RAP1GAP2: variants seen among roughly 807,000 people sequenced by gnomAD.
The protein encoded by RAP1GAP2 is RAP1 GTPase activating protein 2, also known as rap1 GTPase-activating protein 2.
A neutral mutation model predicts 95.0 loss-of-function variants in RAP1GAP2; 27 were observed. The ratio of observed to expected loss-of-function variants is 0.28; its 90% CI spans 0.21 to 0.39. The LOEUF (loss-of-function observed/expected upper bound fraction) is 0.39, where lower values mean the gene tolerates loss of function less well. Among genes scored for constraint, RAP1GAP2 ranks in the 10% least tolerant of loss-of-function variants. RAP1GAP2 has a pLI of 1.00. For missense variants in RAP1GAP2, 771 were observed against 970.0 expected (o/e 0.79, Z 2.72); for synonymous variants, 373 against 380.9 (o/e 0.98, Z 0.24).
chr17:2,974,272 C>T (rs1229116561), intron 8 of RAP1GAP2, among the ~76,000 whole-genome samples: 1 of 151,760 alleles, frequency 6.6e-6, no homozygotes, highest in Admixed American at 6.6e-5. Flanking sequence ...TGGCGTGAAC[C>T]CAGGAGGCGG....
chr17:2,890,761 T>TGCAA (rs1277893955), intron 2 of RAP1GAP2, among the ~76,000 whole-genome samples: 1 of 151,308 alleles, frequency 6.6e-6, no homozygotes, highest in Non-Finnish European at 1.5e-5. Flanking sequence ...CTTGGCTCAC[T>TGCAA]GCAAGCTCCG....
At chr17:2,771,096 A>C (rs1407099082) in intron 2 of RAP1GAP2, among the ~76,000 whole-genome samples, 1 of 151,974 alleles carries the variant, frequency 6.6e-6, no homozygotes, top group East Asian at 1.9e-4. Context: ...CAAACAAAAA[A>C]CCCAACAAAA....
intron 2 of RAP1GAP2, among the ~76,000 whole-genome samples, chr17:2,836,715 C>T (rs192900023): frequency 2.0e-4 from 31 of 152,260 alleles, no homozygotes; most frequent in East Asian, 9.6e-4. Context: ...ACAGCATCAT[C>T]GGACCATCTA....
In RAP1GAP2 at chr17:2,830,638, T is replaced by C. The variant is rs565475685; in HGVS notation, c.80+30088T>C. ...CTGAGGCAGGAGAATCGCTTGAACC[T>C]GGGAGGCGGAAGTTGCAGTGAGCCG... On this transcript the variant is annotated intron_variant, in intron 2 of 24. Transcript: ENST00000254695. Among the ~76,000 whole-genome samples, 992 of 151,272 alleles carry C rather than the reference T, an allele frequency of 6.6e-3. 17 individuals are homozygous for C. Among genetic ancestry groups the C allele is most frequent in the African/African-American group, 0.023 (930 of 41,148 alleles).
rs2044450721 is a variant in RAP1GAP2 at position 2,963,712 on chromosome 17, A to C, written c.280-144A>C. 1 of 830,028 alleles carries C rather than the reference A, an allele frequency of 1.2e-6. No individual in the cohort carries two copies. Among genetic ancestry groups the C allele is most frequent in the African/African-American group, 1.7e-5 (1 of 57,968 alleles). The allele number at this position is 830,028 out of a possible 1,614,324, so 51.4% of individuals were successfully genotyped here. On this transcript the variant is annotated intron_variant, in intron 6 of 24. Transcript: ENST00000254695. This position sits in a 1 kb window ranked among gnomAD's most constrained non-coding sequence, Gnocchi z 4.8. ...CTGGAGGTGTTGTGGGGCTTGGAGG[A>C]GGGGTTCATGTCACTGCCTTTGGCC... is the stretch of plus-strand genomic sequence containing the variant.
At chr17:2,818,873 C>G (rs2070156007) in intron 2 of RAP1GAP2, among the ~76,000 whole-genome samples, 1 of 151,540 alleles carries the variant, frequency 6.6e-6, no homozygotes, top group African/African-American at 2.4e-5. Context: ...AATAGCAAAG[C>G]CTGAAACCTA....
intron 2 of RAP1GAP2, chr17:2,853,980 C>T (rs1450429823): frequency 5.1e-6 from 5 of 983,962 alleles, no homozygotes; most frequent in Non-Finnish European, 4.8e-6. Context: ...GGTCGGGCAC[C>T]GCGGGCGGCC....
At chr17:2,774,208 C>T (rs1028251531), upstream of RAP1GAP2, among the ~76,000 whole-genome samples, 1 of 152,164 alleles carries the variant, frequency 6.6e-6, no homozygotes, top group Non-Finnish European at 1.5e-5. Context: ...TGTTAGGTGT[C>T]TACCAAAGAA....
In RAP1GAP2 at chr17:3,032,445, C is replaced by G. The variant is rs1267581217; in HGVS notation, c.*26C>G. ...TGTGAAAGTGGAGTCCTTCGCCTGTCCAAGGTGGGTTGAGTGAATGTCCTG... is the reference window on the plus strand; with the variant it reads ...TGTGAAAGTGGAGTCCTTCGCCTGTGCAAGGTGGGTTGAGTGAATGTCCTG... On this transcript the variant is annotated 3_prime_UTR_variant, in exon 24 of 25. Coordinates refer to ENST00000254695, the MANE Select transcript of RAP1GAP2 (RefSeq NM_015085.5). 1 of 1,613,486 alleles carries G rather than the reference C, an allele frequency of 6.2e-7. No individual in the cohort carries two copies. Among genetic ancestry groups the G allele is most frequent in the African/African-American group, 1.3e-5 (1 of 74,890 alleles).
intron 3 of RAP1GAP2, among the ~76,000 whole-genome samples, chr17:2,914,861 G>A (rs1404316026): frequency 7.5e-6 from 1 of 134,108 alleles, no homozygotes; most frequent in African/African-American, 2.8e-5. Context: ...GCGCCATCTC[G>A]GCTCACTACA....
intron 3 of RAP1GAP2, among the ~76,000 whole-genome samples, chr17:2,914,116 G>A (rs541214360): frequency 9.2e-5 from 14 of 151,924 alleles, no homozygotes; most frequent in Admixed American, 3.3e-4. Context: ...CAAGTGATCC[G>A]CCTTCCTCAG....
intron 2 of RAP1GAP2, among the ~76,000 whole-genome samples, chr17:2,850,920 T>TGAG (rs2151592867): frequency 6.6e-6 from 1 of 151,676 alleles, no homozygotes; most frequent in South Asian, 2.1e-4. Context: ...ATTAGCCCGA[T>TGAG]GTGGTGGCGA....
chr17:3,014,689 A>G (rs1028098946), intron 17 of RAP1GAP2, among the ~76,000 whole-genome samples: 4 of 151,882 alleles, frequency 2.6e-5, no homozygotes, highest in African/African-American at 9.7e-5. Context: ...AGCTGGGATT[A>G]TAGGCACACA....
At chr17:2,909,718 T>G (rs1161145413) in intron 3 of RAP1GAP2, among the ~76,000 whole-genome samples, 1 of 152,156 alleles carries the variant, frequency 6.6e-6, no homozygotes, top group Non-Finnish European at 1.5e-5. Flanking sequence ...TGTTCTGTCC[T>G]TCTCCCCTTT....
chr17:2,888,001 A>G (rs764316752), intron 2 of RAP1GAP2, among the ~76,000 whole-genome samples: 2 of 152,170 alleles, frequency 1.3e-5, no homozygotes, highest in Non-Finnish European at 2.9e-5. Context: ...ATCTGTGTCC[A>G]GACAAGAAGC....
chr17:2,786,479 G>C (rs1228435696), intron 1 of RAP1GAP2, among the ~76,000 whole-genome samples: 1 of 152,222 alleles, frequency 6.6e-6, no homozygotes, highest in African/African-American at 2.4e-5. Context: ...CCACCTTCTG[G>C]CCGGTCCTGG....
chr17:2,968,488 C>G (rs960748989), intron 8 of RAP1GAP2, among the ~76,000 whole-genome samples: 1 of 152,100 alleles, frequency 6.6e-6, no homozygotes, highest in Non-Finnish European at 1.5e-5. Context: ...ATCAAAATGA[C>G]TCACCCATTA....
intron 3 of RAP1GAP2, among the ~76,000 whole-genome samples, chr17:2,929,356 A>G (rs1012023138): frequency 9.2e-5 from 14 of 151,936 alleles, no homozygotes; most frequent in Non-Finnish European, 2.9e-5. Context: ...ACAGGCGATG[A>G]GTGAGGGCTG....
chr17:2,986,561 A>T (rs2045566237), intron 11 of RAP1GAP2, among the ~76,000 whole-genome samples: 1 of 150,202 alleles, frequency 6.7e-6, no homozygotes, highest in Non-Finnish European at 1.5e-5. Context: ...TTTTTTTAAG[A>T]ACCTAGGCAG....
Sources: gnomAD v4.1 joint callset for allele counts (sites outside exome capture counted in the v4.1 genomes callset) on GRCh38, gnomAD v4.1.1 for gene constraint, Gnocchi (gnomAD v3.1) non-coding constraint, MANE v1.5 for transcripts, NCBI Gene and HGNC (gene_info 2026-07-23, HGNC 2026-07-21) for gene names.